The following CFAP54 variants were observed in gnomAD, a reference collection of about 807,000 sequenced individuals.
CFAP54 encodes cilia and flagella associated protein 54.
In CFAP54, 290 loss-of-function variants were observed where a neutral mutation model predicts 370.4. The ratio of observed to expected loss-of-function variants is 0.78; its 90% CI spans 0.71 to 0.86. The LOEUF (loss-of-function observed/expected upper bound fraction) is 0.86. Ranked by LOEUF, CFAP54 falls within the 40% of genes least tolerant of loss-of-function variation. CFAP54 has a pLI of 0.00. For synonymous variants in CFAP54, 1,206 were observed against 1,236.5 expected (o/e 0.98, Z 0.52); for missense variants, 3,399 against 3,528.7 (o/e 0.96, Z 0.93).
rs772789276 is a variant in CFAP54, at chr12:96,753,892, C to T, written c.7834C>T (p.Gln2612Ter). 3.1e-6 allele frequency: 5 copies of T among 1,613,486 alleles called. No individual in the cohort carries two copies. The highest frequency in any genetic ancestry group is 1.1e-5 in the South Asian group (1 of 90,972). ...EHEVEAEILF[Q>*]KGKIERQILM... is the part of the protein sequence containing the mutation. ...TGAGGTGGAAGCTGAAATCCTTTTT[C>T]AGAAAGGTAAAATGCATCTGGGGTC... Residue 2612 changes from glutamine to a stop codon, truncating the protein, a stop_gained, in exon 56 of 68, where the codon CAG becomes TAG. Coordinates refer to ENST00000524981, the MANE Select transcript of CFAP54 (RefSeq NM_001306084.2). LOFTEE classifies it high-confidence loss of function.
chr12:96,610,431 ATGGC>A (rs919629747), intron 26 of CFAP54, among the ~76,000 whole-genome samples: 3 of 152,198 alleles, frequency 2.0e-5, no homozygotes, highest in African/African-American at 7.2e-5. Context: ...GGCTCCCAAG[ATGGC>A]TGAATAGGAA....
Position 96,754,108 on chromosome 12 carries a change from C to T in CFAP54, c.7840+210C>T, listed in dbSNP as rs1958223017. Among the ~76,000 whole-genome samples the T allele has an allele frequency of 2.0e-5, 3 of 152,278 alleles. No homozygotes were observed. In the South Asian group the frequency reaches 6.2e-4, roughly 32 times the overall value. ...TATGTCTAGAAAGAAAAAAGTACTACTGCTTCATTTCTTTTATAATTGTAA... is the reference window on the plus strand; with the variant it reads ...TATGTCTAGAAAGAAAAAAGTACTATTGCTTCATTTCTTTTATAATTGTAA... On this transcript the variant is annotated intron_variant, in intron 56 of 67. Coordinates refer to ENST00000524981, the MANE Select transcript of CFAP54 (RefSeq NM_001306084.2).
chr12:96,714,751 TA>T (rs1957655809), intron 48 of CFAP54, among the ~76,000 whole-genome samples: 1 of 151,756 alleles, frequency 6.6e-6, no homozygotes. Context: ...GATAAATGGG[TA>T]GGCTGCTGAA....
chr12:96,609,698 C>G (rs1360696132), intron 26 of CFAP54, among the ~76,000 whole-genome samples: 1 of 151,952 alleles, frequency 6.6e-6, no homozygotes, highest in Non-Finnish European at 1.5e-5. Flanking sequence ...ACTAGGATTA[C>G]AAAGAGAATA....
intron 27 of CFAP54, among the ~76,000 whole-genome samples, chr12:96,622,199 A>C (rs1355012823): frequency 3.9e-5 from 6 of 152,164 alleles, no homozygotes; most frequent in Non-Finnish European, 8.8e-5. Flanking sequence ...TTTTGAGATT[A>C]ACTTTTAATA....
intron 39 of CFAP54, among the ~76,000 whole-genome samples, chr12:96,676,477 G>T (rs558401043): frequency 6.6e-6 from 1 of 152,096 alleles, no homozygotes; most frequent in Non-Finnish European, 1.5e-5. Context: ...CTTAGGAGGT[G>T]GGTCCTTTGG....
At chr12:96,729,975 G>A (rs12824633) in intron 50 of CFAP54, among the ~76,000 whole-genome samples, 36,595 of 152,084 alleles carry the variant, frequency 0.24, 4,584 homozygotes, top group South Asian at 0.29. Context: ...GAGAGCAAAT[G>A]TGATGTTCTG....
intron 50 of CFAP54, among the ~76,000 whole-genome samples, chr12:96,724,380 AG>A (rs1396229604): frequency 2.0e-5 from 3 of 151,942 alleles, no homozygotes; most frequent in African/African-American, 7.3e-5. Context: ...AACTGGTGTG[AG>A]ATGGTATCTC....
chr12:96,789,370 A>G (rs1257054896), intron 62 of CFAP54, among the ~76,000 whole-genome samples: 1 of 152,226 alleles, frequency 6.6e-6, no homozygotes, highest in Non-Finnish European at 1.5e-5. Context: ...CAGTGGGAGT[A>G]GAATGAAATC....
chr12:96,682,474 C>A, intron 40 of CFAP54: 1 of 214,376 alleles, frequency 4.7e-6, no homozygotes, highest in Non-Finnish European at 8.0e-6. Flanking sequence ...CTTCTGGGCT[C>A]AATCCATCCT....
rs148022271 is a variant in CFAP54 at position 96,659,122 on chromosome 12, C to T, written c.5460+776C>T. On this transcript the variant is annotated intron_variant, in intron 38 of 67. Coordinates refer to ENST00000524981, the MANE Select transcript of CFAP54 (RefSeq NM_001306084.2). ...GCAGCCTCCGCCTCCCAGGTTCCTG[C>T]GTGTCTTTCAATTCAGTTTCTACAC... 3.0e-3 allele frequency among the ~76,000 whole-genome samples: 460 copies of T among 152,276 alleles called. 1 individual carries two copies. Among genetic ancestry groups the T allele is most frequent in the Middle Eastern group, 0.01 (3 of 294 alleles).
intron 56 of CFAP54, among the ~76,000 whole-genome samples, chr12:96,754,389 C>T (rs1466477564): frequency 6.6e-6 from 1 of 152,124 alleles, no homozygotes; most frequent in African/African-American, 2.4e-5. Flanking sequence ...TTATTGTGGG[C>T]ATTTTACCTC....
chr12:96,573,867 A>G (rs1955949819), intron 19 of CFAP54, among the ~76,000 whole-genome samples: 1 of 152,180 alleles, frequency 6.6e-6, no homozygotes, highest in African/African-American at 2.4e-5. Context: ...CATACGAAGG[A>G]ATGGTTGTCT....
At chr12:96,717,238 C>G (rs1465812257) in intron 48 of CFAP54, among the ~76,000 whole-genome samples, 2 of 152,064 alleles carry the variant, frequency 1.3e-5, no homozygotes, top group Non-Finnish European at 2.9e-5. Flanking sequence ...TGGTTTGTCT[C>G]CATCATTGTC....
intron 39 of CFAP54, among the ~76,000 whole-genome samples, chr12:96,675,501 T>A (rs1192355152): frequency 6.6e-6 from 1 of 152,170 alleles, no homozygotes; most frequent in Admixed American, 6.5e-5. Flanking sequence ...GAAAGTAAAC[T>A]AGTTCAACCA....
At chr12:96,730,434 C>T (rs528210658) in intron 50 of CFAP54, among the ~76,000 whole-genome samples, 4 of 151,940 alleles carry the variant, frequency 2.6e-5, no homozygotes, top group Non-Finnish European at 5.9e-5. Flanking sequence ...CTTCACAGCC[C>T]AAGAAACAAA....
intron 62 of CFAP54, 95 bp downstream of exon 62, chr12:96,786,993 G>A (rs562313078): frequency 2.2e-6 from 2 of 926,946 alleles, no homozygotes; most frequent in South Asian, 3.6e-5. Flanking sequence ...TGCTGGCACA[G>A]ATTTCTACTT....
intron 46 of CFAP54, among the ~76,000 whole-genome samples, chr12:96,703,906 A>G (rs1957518223): frequency 6.6e-6 from 1 of 152,206 alleles, no homozygotes. Flanking sequence ...ATAATCAGAA[A>G]TATAAACAAA....
intron 26 of CFAP54, among the ~76,000 whole-genome samples, chr12:96,617,995 A>C (rs1401656397): frequency 6.6e-6 from 1 of 151,434 alleles, no homozygotes; most frequent in South Asian, 2.1e-4. Flanking sequence ...GTCTCAAAAA[A>C]AAAAGGAATA....
Sources: allele counts gnomAD v4.1 joint callset (sites outside exome capture counted in the v4.1 genomes callset), GRCh38; gene constraint gnomAD v4.1.1; transcripts MANE v1.5; gene names NCBI Gene and HGNC (gene_info 2026-07-23, HGNC 2026-07-21).